The following CMTM8 variants were observed in gnomAD, a reference collection of about 807,000 sequenced individuals.
The protein encoded by CMTM8 is CKLF like MARVEL transmembrane domain containing 8.
Under a neutral mutation model 18.6 loss-of-function variants are expected in CMTM8, and 12 were observed. The ratio of observed to expected loss-of-function variants is 0.65; its 90% CI spans 0.41 to 1.05. CMTM8 has a LOEUF of 1.05. CMTM8 is among the 50% of genes least tolerant of loss of function. The probability of loss-of-function intolerance (pLI) is 0.00; values close to 1 mark genes in which losing one functional copy is unlikely to be tolerated. For missense variants in CMTM8, 217 were observed against 227.2 expected, an observed-to-expected ratio of 0.95 and a Z score of 0.29; for synonymous variants, 87 against 90.6, an observed-to-expected ratio of 0.96 and a Z score of 0.23.
At chr3:32,308,308 AAATC>A (rs1695754400) in intron 1 of CMTM8, among the ~76,000 whole-genome samples, 1 of 152,266 alleles carries the variant, frequency 6.6e-6, no homozygotes, top group African/African-American at 2.4e-5. Context: ...AAGAAATAAA[AAATC>A]AAGCTACAGA....
Position 32,282,471 on chromosome 3 carries a change from T to C in CMTM8, c.147+43352T>C, listed in dbSNP as rs138285084. Among the ~76,000 whole-genome samples the C allele has an allele frequency of 5.4e-3, 817 of 152,126 alleles. 6 individuals carry two copies. The highest frequency in any genetic ancestry group is 0.019 in the African/African-American group (793 of 41,532). ...AGCTATGAGAATGGTGATTTGGCGA[T>C]ATTAGAAAAAAATTAAAAAAATATA... On this transcript the variant is annotated intron_variant, in intron 1 of 3. Transcript: ENST00000307526.
At chr3:32,359,410 CGAAAT>C (rs1696877834) in intron 2 of CMTM8, among the ~76,000 whole-genome samples, 1 of 152,060 alleles carries the variant, frequency 6.6e-6, no homozygotes, top group Non-Finnish European at 1.5e-5. Context: ...GCCAACATGG[CGAAAT>C]CCCGTCTCTA....
rs140156317 is a variant in CMTM8, at chr3:32,308,013, C to G, written c.148-49360C>G. Among the ~76,000 whole-genome samples the G allele has an allele frequency of 8.7e-4, 132 of 152,320 alleles. 2 individuals carry two copies. Among genetic ancestry groups the G allele is most frequent in the African/African-American group, 2.9e-3 (119 of 41,578 alleles). On this transcript the variant is annotated intron_variant, in intron 1 of 3. Transcript: ENST00000307526. Reference sequence around the variant, plus strand: ...GAATACTGAGATACCCAGTTAAGACCATTCCTTTAAGCGGCTCAATTCAAA... The same window carrying G: ...GAATACTGAGATACCCAGTTAAGACGATTCCTTTAAGCGGCTCAATTCAAA...
At chr3:32,254,293 A>G (rs984346312) in intron 1 of CMTM8, among the ~76,000 whole-genome samples, 2 of 152,230 alleles carry the variant, frequency 1.3e-5, no homozygotes, top group Non-Finnish European at 2.9e-5. Context: ...ACAATGTTGT[A>G]TAATTGCCAC....
intron 1 of CMTM8, among the ~76,000 whole-genome samples, chr3:32,341,680 C>A (rs1696497546): frequency 6.6e-6 from 1 of 151,380 alleles, no homozygotes; most frequent in South Asian, 2.1e-4. Context: ...AGTTCAAGAC[C>A]AGCCTGGCCA....
chr3:32,342,037 C>G (rs1696507963), intron 1 of CMTM8, among the ~76,000 whole-genome samples: 1 of 152,042 alleles, frequency 6.6e-6, no homozygotes, highest in Non-Finnish European at 1.5e-5. Context: ...CACCTGAGGT[C>G]AGGAGTTTGA....
At chr3:32,250,907 A>G (rs565766550) in intron 1 of CMTM8, among the ~76,000 whole-genome samples, 13 of 152,130 alleles carry the variant, frequency 8.5e-5, no homozygotes, top group Non-Finnish European at 1.3e-4. Flanking sequence ...AATGAGTTCT[A>G]TATCCTTTCT....
chr3:32,303,096 G>A (rs11129511), intron 1 of CMTM8, among the ~76,000 whole-genome samples: 63,564 of 152,074 alleles, frequency 0.42, 14,199 homozygotes, highest in African/African-American at 0.57. Context: ...TCTAAATTGA[G>A]TGTCCAAATT....
At chr3:32,299,161 A>G (rs565253389) in intron 1 of CMTM8, among the ~76,000 whole-genome samples, 13 of 151,564 alleles carry the variant, frequency 8.6e-5, no homozygotes, top group African/African-American at 2.9e-4. Context: ...AAAACAGCCC[A>G]TGGGCCTAGA....
chr3:32,263,349 T>G, intron 1 of CMTM8, among the ~76,000 whole-genome samples: 1 of 152,056 alleles, frequency 6.6e-6, no homozygotes, highest in African/African-American at 2.4e-5. Flanking sequence ...CGGTCTGGAG[T>G]GGACCTCCGG....
chr3:32,273,812 A>G (rs1004127869), intron 1 of CMTM8, among the ~76,000 whole-genome samples: 9 of 152,276 alleles, frequency 5.9e-5, no homozygotes, highest in South Asian at 2.1e-4. Flanking sequence ...ACTGAATTCT[A>G]CACTTTAAAC....
intron 1 of CMTM8, among the ~76,000 whole-genome samples, chr3:32,351,025 T>A (rs1037745052): frequency 2.0e-5 from 3 of 152,200 alleles, no homozygotes. Context: ...CTTGAAAATT[T>A]TAGAAGGGTT....
At chr3:32,360,813 A>G (rs1049489277) in intron 2 of CMTM8, among the ~76,000 whole-genome samples, 1 of 152,206 alleles carries the variant, frequency 6.6e-6, no homozygotes, top group African/African-American at 2.4e-5. Context: ...TCTAATTCTG[A>G]TTTGTACTGA....
At chr3:32,324,545 G>A (rs995704882) in intron 1 of CMTM8, among the ~76,000 whole-genome samples, 1 of 152,194 alleles carries the variant, frequency 6.6e-6, no homozygotes, top group Non-Finnish European at 1.5e-5. Flanking sequence ...ATAAAACTAT[G>A]CCATGCTTCT....
chr3:32,315,382 G>A (rs568180803), intron 1 of CMTM8, among the ~76,000 whole-genome samples: 7 of 152,178 alleles, frequency 4.6e-5, no homozygotes, highest in Non-Finnish European at 7.4e-5. Context: ...CACCCACCTC[G>A]GCCTCCCAAA....
At chr3:32,258,210 A>G (rs1266312964) in intron 1 of CMTM8, among the ~76,000 whole-genome samples, 3 of 151,652 alleles carry the variant, frequency 2.0e-5, no homozygotes, top group African/African-American at 7.3e-5. Context: ...CAGACAAGAA[A>G]CTCCCTTGCT....
intron 1 of CMTM8, among the ~76,000 whole-genome samples, chr3:32,350,979 T>C (rs772360951): frequency 5.9e-5 from 9 of 152,210 alleles, no homozygotes; most frequent in Non-Finnish European, 8.8e-5. Context: ...CTTCTAAAAA[T>C]GTTACTGTTG....
intron 1 of CMTM8, among the ~76,000 whole-genome samples, chr3:32,343,576 G>T (rs901798849): frequency 6.6e-6 from 1 of 152,276 alleles, no homozygotes; most frequent in Non-Finnish European, 1.5e-5. Flanking sequence ...TTGCATTCTT[G>T]TATCACCATA....
chr3:32,296,993 T>C (rs547637374), intron 1 of CMTM8, among the ~76,000 whole-genome samples: 16 of 152,116 alleles, frequency 1.1e-4, no homozygotes, highest in Non-Finnish European at 2.2e-4. Context: ...GTGTTTGCTC[T>C]CATAGGATGG....
Sources: allele counts gnomAD v4.1 joint callset (sites outside exome capture counted in the v4.1 genomes callset), GRCh38; gene constraint gnomAD v4.1.1; transcripts MANE v1.5; gene names NCBI Gene and HGNC (gene_info 2026-07-23, HGNC 2026-07-21).